The following PTPRC variants were observed in gnomAD, a reference collection of about 807,000 sequenced individuals.
The protein encoded by PTPRC is protein tyrosine phosphatase receptor type C, also known as receptor-type tyrosine-protein phosphatase C.
A neutral mutation model predicts 155.9 loss-of-function variants in PTPRC; 44 were observed. That is an observed-to-expected ratio of 0.28 (90% CI 0.22 to 0.36). PTPRC has a LOEUF of 0.36. Among genes scored for constraint, PTPRC ranks in the 10% least tolerant of loss-of-function variants. The probability of loss-of-function intolerance (pLI) is 1.00; values close to 1 mark genes in which losing one functional copy is unlikely to be tolerated. For synonymous variants in PTPRC, 525 were observed against 533.1 expected, an observed-to-expected ratio of 0.98 and a Z score of 0.21; for missense variants, 1,401 against 1,564.6, an observed-to-expected ratio of 0.90 and a Z score of 1.76.
intron 2 of PTPRC, among the ~76,000 whole-genome samples, chr1:198,655,091 A>G (rs1319643948): frequency 2.6e-5 from 4 of 151,994 alleles, no homozygotes; most frequent in African/African-American, 7.2e-5. Flanking sequence ...CTTCTATTAA[A>G]TAATAACAAA....
Position 198,735,222 on chromosome 1 carries a change from T to C in PTPRC, c.2373T>C (p.Asp791=). 1 of 1,602,820 alleles carries C rather than the reference T, an allele frequency of 6.2e-7. No individual in the cohort carries two copies. The highest frequency in any genetic ancestry group is 8.5e-7 in the Non-Finnish European group (1 of 1,173,376). The change falls in exon 23 of 33, where the codon GAT becomes GAC. Residue 791 remains aspartate (D), a synonymous_variant. Coordinates refer to ENST00000442510, the MANE Select transcript of PTPRC (RefSeq NM_002838.5). ...TCAACCAGCACAAAAGATGTCCAGA[T>C]TACATCATTCAGAAATTGAACATTG... ...VKINQHKRCP[D]YIIQKLNIVN...
chr1:198,646,801 A>C (rs1240249713), intron 2 of PTPRC, among the ~76,000 whole-genome samples: 1 of 151,864 alleles, frequency 6.6e-6, no homozygotes, highest in Non-Finnish European at 1.5e-5. Context: ...CCAATTTCTT[A>C]TTCATTATTG....
intron 15 of PTPRC, among the ~76,000 whole-genome samples, chr1:198,728,031 C>A (rs1654220612): frequency 6.6e-6 from 1 of 151,868 alleles, no homozygotes; most frequent in Non-Finnish European, 1.5e-5. Context: ...AATGAAGTGT[C>A]TGATAAAAAA....
chr1:198,695,378 TA>T (rs1422070929), intron 3 of PTPRC, among the ~76,000 whole-genome samples: 1 of 146,718 alleles, frequency 6.8e-6, no homozygotes, highest in African/African-American at 2.5e-5. Context: ...ATTAAATATT[TA>T]AATTTTTTTT....
intron 29 of PTPRC, 58 bp downstream of exon 29, chr1:198,750,684 G>C: frequency 6.3e-7 from 1 of 1,584,672 alleles, no homozygotes. Context: ...TCATTCTCTA[G>C]TCTTGGATTG....
intron 29 of PTPRC, among the ~76,000 whole-genome samples, chr1:198,750,998 A>G (rs917370272): frequency 5.3e-5 from 8 of 151,894 alleles, no homozygotes; most frequent in African/African-American, 1.9e-4. Flanking sequence ...TGTGTCTTTC[A>G]TCTTCCTCCC....
chr1:198,712,897 A>C, intron 11 of PTPRC, 56 bp from the exon 12 acceptor site: 2 of 1,532,894 alleles, frequency 1.3e-6, no homozygotes, highest in Non-Finnish European at 1.8e-6. Context: ...AATATGAAGA[A>C]TGCTTTATCC....
chr1:198,753,432 G>A (rs544591972), intron 31 of PTPRC, among the ~76,000 whole-genome samples: 2 of 151,968 alleles, frequency 1.3e-5, no homozygotes, highest in South Asian at 4.2e-4. Context: ...AAAGAATATT[G>A]AAGTAAATGA....
chr1:198,663,446 A>G (rs1664097024), intron 2 of PTPRC, among the ~76,000 whole-genome samples: 1 of 152,240 alleles, frequency 6.6e-6, no homozygotes, highest in South Asian at 2.1e-4. Context: ...TGGAAATAGA[A>G]GGAAGCAATC....
In PTPRC at chr1:198,639,112, C is replaced by T. The variant is rs2274366; in HGVS notation, c.-69C>T. ...AGGGTAACAGAGGAGGAAATTGTTC[C>T]TCGTCTGATAAGACAACAGTGGAGA... On this transcript the variant is annotated 5_prime_UTR_variant, in exon 1 of 33. Coordinates refer to ENST00000442510, the MANE Select transcript of PTPRC (RefSeq NM_002838.5). The T allele has an allele frequency of 9.1e-3, 6,058 of 668,648 alleles. 307 individuals carry two copies. The East Asian group carries it at 0.12, about 14-fold the overall frequency. 41.4% of individuals were successfully genotyped at this position (668,648 alleles called of 1,614,324 possible).
chr1:198,686,725 A>G (rs1166379166), intron 2 of PTPRC, among the ~76,000 whole-genome samples: 4 of 152,324 alleles, frequency 2.6e-5, no homozygotes, highest in Middle Eastern at 6.8e-3. Context: ...CAAATATTAA[A>G]TATTTATTGT....
rs777695549 is a variant in PTPRC at position 198,752,346 on chromosome 1, G to A, written c.3305G>A (p.Arg1102His). The A allele has an allele frequency of 9.3e-6, 15 of 1,612,618 alleles. No homozygotes were observed. Among genetic ancestry groups the A allele is most frequent in the Middle Eastern group, 1.7e-4 (1 of 6,052 alleles). ...GACAAATCTTCAACTTATACCCTTC[G>A]TGTCTTTGAACTGAGACATTCCAAG... The part of the protein sequence containing the change: ...DTDKSSTYTL[R>H]VFELRHSKRK... The change falls in exon 30 of 33, where the codon CGT becomes CAT. Residue 1102 changes from arginine (R) to histidine (H), a missense_variant. By Grantham distance (29) the Arg-to-His change is conservative. Transcript: ENST00000442510.
In PTPRC at chr1:198,722,496, T is replaced by G; in HGVS notation, c.1720+20T>G. The G allele has an allele frequency of 7.4e-7, 1 of 1,343,216 alleles. No individual in the cohort carries two copies. Among genetic ancestry groups the G allele is most frequent in the African/African-American group, 1.5e-5 (1 of 66,990 alleles). 83.2% of individuals were successfully genotyped at this position (1,343,216 alleles called of 1,614,324 possible). A position where few individuals can be genotyped will look rare whatever the true frequency, so the allele number is the denominator to read the frequency against. On this transcript the variant is annotated intron_variant, in intron 15 of 32. Transcript: ENST00000442510. ...CATCTTGTAAGTTATCACTGGGCTATTTATTATATATATTAAGATATATAT... is the reference window on the plus strand; with the variant it reads ...CATCTTGTAAGTTATCACTGGGCTAGTTATTATATATATTAAGATATATAT...
chr1:198,662,748 A>C (rs1664049329), intron 2 of PTPRC, among the ~76,000 whole-genome samples: 1 of 152,202 alleles, frequency 6.6e-6, no homozygotes, highest in Non-Finnish European at 1.5e-5. Context: ...ATAGTTTTAC[A>C]GATACTATAG....
In PTPRC at chr1:198,752,640, G is replaced by A; in HGVS notation, c.3377G>A (p.Ser1126Asn). ...TVYQYQYTNW[S>N]VEQLPAEPKE... ...TACCAGTACCAATATACAAACTGGA[G>A]TGTGGAGCAGCTTCCTGCAGAACCC... Residue 1126 changes from serine to asparagine, a missense_variant, in exon 31 of 33, where the codon AGT (serine) becomes AAT (asparagine). Coordinates refer to ENST00000442510, the MANE Select transcript of PTPRC (RefSeq NM_002838.5). 6.2e-7 allele frequency: 1 copy of A among 1,612,864 alleles called. No individual in the cohort carries two copies. Among genetic ancestry groups the A allele is most frequent in the Non-Finnish European group, 8.5e-7 (1 of 1,179,346 alleles).
At chr1:198,716,582 A>C (rs1653595450) in intron 12 of PTPRC, 100 bp from the exon 13 acceptor site, 1 of 1,007,412 alleles carries the variant, frequency 9.9e-7, no homozygotes, top group Non-Finnish European at 1.5e-6. Flanking sequence ...AATAGTTTGG[A>C]GTTCACTTGG....
At chr1:198,744,485 T>C (rs1383049881) in intron 26 of PTPRC, among the ~76,000 whole-genome samples, 6 of 151,824 alleles carry the variant, frequency 4.0e-5, no homozygotes, top group African/African-American at 1.2e-4. Flanking sequence ...GTCAAAATAA[T>C]AGTATATAGC....
intron 2 of PTPRC, among the ~76,000 whole-genome samples, chr1:198,682,061 C>T (rs570282659): frequency 1.3e-5 from 2 of 152,312 alleles, no homozygotes; most frequent in South Asian, 4.1e-4. Context: ...CAGAAGTACA[C>T]CGAAGAGAAG....
At chr1:198,668,025 T>C (rs1664418840) in intron 2 of PTPRC, among the ~76,000 whole-genome samples, 1 of 152,214 alleles carries the variant, frequency 6.6e-6, no homozygotes. Context: ...GCTAACTGAA[T>C]ACAGATGTGA....
Sources: gnomAD v4.1 joint callset for allele counts (sites outside exome capture counted in the v4.1 genomes callset) on GRCh38, gnomAD v4.1.1 for gene constraint, MANE v1.5 for transcripts, NCBI Gene and HGNC (gene_info 2026-07-23, HGNC 2026-07-21) for gene names.